CMSS1: variants seen among roughly 807,000 people sequenced by gnomAD.
The protein encoded by CMSS1 is cms1 ribosomal small subunit homolog, also known as protein CMSS1.
In CMSS1, 33 loss-of-function variants were observed where a neutral mutation model predicts 43.5. The observed-to-expected ratio is 0.76, with a 90% CI of 0.57 to 1.01. The LOEUF (loss-of-function observed/expected upper bound fraction) is 1.01, where lower values mean the gene tolerates loss of function less well. Among genes scored for constraint, CMSS1 ranks in the 50% least tolerant of loss-of-function variants. The probability of loss-of-function intolerance (pLI) is 0.00; values close to 1 mark genes in which losing one functional copy is unlikely to be tolerated. For synonymous variants in CMSS1, 115 were observed against 117.2 expected, an observed-to-expected ratio of 0.98 and a Z score of 0.12; for missense variants, 313 against 326.4, an observed-to-expected ratio of 0.96 and a Z score of 0.32.
chr3:99,884,459 T>TATA (rs1393508228), intron 1 of CMSS1, among the ~76,000 whole-genome samples: 3 of 152,210 alleles, frequency 2.0e-5, no homozygotes, highest in African/African-American at 7.2e-5. Flanking sequence ...ATGGAACCTC[T>TATA]ATAAAGAAGT....
At chr3:100,051,301 A>G (rs1168081752) in intron 1 of CMSS1, 1 of 152,032 alleles carries the variant, frequency 6.6e-6, no homozygotes, top group African/African-American at 2.4e-5. Flanking sequence ...GAAGACTGAA[A>G]GAGTAGTAAA....
chr3:99,859,309 G>C (rs1298206031), intron 1 of CMSS1, among the ~76,000 whole-genome samples: 1 of 152,226 alleles, frequency 6.6e-6, no homozygotes, highest in Non-Finnish European at 1.5e-5. Context: ...TTCTTGCACA[G>C]ATCAGTCTGA....
At chr3:99,881,820 A>G (rs1173510856) in intron 1 of CMSS1, among the ~76,000 whole-genome samples, 1 of 152,232 alleles carries the variant, frequency 6.6e-6, no homozygotes, top group East Asian at 1.9e-4. Context: ...GGCGTGAGCC[A>G]CCGTGACTGA....
intron 1 of CMSS1, among the ~76,000 whole-genome samples, chr3:99,919,044 A>AT (rs954640056): frequency 6.6e-6 from 1 of 152,034 alleles, no homozygotes; most frequent in East Asian, 1.9e-4. Flanking sequence ...CTTTCAAAAT[A>AT]TTTTTTTTAA....
At chr3:99,940,662 A>G (rs1396120342) in intron 1 of CMSS1, among the ~76,000 whole-genome samples, 1 of 152,190 alleles carries the variant, frequency 6.6e-6, no homozygotes, top group Non-Finnish European at 1.5e-5. Context: ...GTGAATCCTA[A>G]AAGATAAAAA....
chr3:99,937,775 C>T (rs1707725481), intron 1 of CMSS1, among the ~76,000 whole-genome samples: 1 of 152,146 alleles, frequency 6.6e-6, no homozygotes, highest in Non-Finnish European at 1.5e-5. Context: ...ATTTGCAAAC[C>T]ACTGGCTAGA....
intron 2 of CMSS1, among the ~76,000 whole-genome samples, chr3:100,152,282 C>G (rs2066925230): frequency 6.6e-6 from 1 of 151,864 alleles, no homozygotes; most frequent in Non-Finnish European, 1.5e-5. Context: ...ACAGAATTCT[C>G]CGTGTCCAAA....
chr3:100,015,157 T>G (rs2130370), intron 1 of CMSS1, among the ~76,000 whole-genome samples: 1 of 151,884 alleles, frequency 6.6e-6, no homozygotes, highest in African/African-American at 2.4e-5. Flanking sequence ...GCTGTCCTTT[T>G]CCTATTTTGC....
At chr3:100,172,051 C>CAGAAGCATAGAA in intron 7 of CMSS1, 152 bp downstream of exon 7, 1 of 670,842 alleles carries the variant, frequency 1.5e-6, no homozygotes, top group Non-Finnish European at 2.6e-6. Flanking sequence ...AAATTCTATG[C>CAGAAGCATAGAA]TTCTGCATAC....
At chr3:99,911,230 G>A (rs1706777445) in intron 1 of CMSS1, among the ~76,000 whole-genome samples, 1 of 151,838 alleles carries the variant, frequency 6.6e-6, no homozygotes, top group African/African-American at 2.4e-5. Context: ...TTATCAGGAA[G>A]TTGTACAATA....
At chr3:99,826,965 A>T (rs1173031232) in intron 1 of CMSS1, among the ~76,000 whole-genome samples, 1 of 152,070 alleles carries the variant, frequency 6.6e-6, no homozygotes, top group East Asian at 1.9e-4. Context: ...AGCTTCTTTT[A>T]TTTTCATTTT....
chr3:100,098,600 T>G (rs2066253058), intron 1 of CMSS1, among the ~76,000 whole-genome samples: 1 of 152,204 alleles, frequency 6.6e-6, no homozygotes, highest in African/African-American at 2.4e-5. Context: ...TACCAGTACA[T>G]GCAAGGAAGT....
At chr3:99,997,275 T>A (rs1234843077) in intron 1 of CMSS1, among the ~76,000 whole-genome samples, 3 of 152,156 alleles carry the variant, frequency 2.0e-5, no homozygotes, top group Non-Finnish European at 4.4e-5. Context: ...AAAGGAGGCA[T>A]TTTTTACAAC....
In CMSS1 at chr3:99,828,157, T is replaced by G. The variant is rs558440618; in HGVS notation, c.64+10114T>G. On this transcript the variant is annotated intron_variant, in intron 1 of 9. Transcript: ENST00000421999. ...CTGTTTTATGCTTCTTTTCAACCTGTTTGGTTTTCACTAAGGGATTCCAAT... is the reference window on the plus strand; with the variant it reads ...CTGTTTTATGCTTCTTTTCAACCTGGTTGGTTTTCACTAAGGGATTCCAAT... 2.2e-4 allele frequency among the ~76,000 whole-genome samples: 34 copies of G among 152,330 alleles called. No individual in the cohort carries two copies. The South Asian group carries it at 2.9e-3, about 13-fold the overall frequency.
intron 1 of CMSS1, among the ~76,000 whole-genome samples, chr3:100,087,474 C>T (rs559894405): frequency 6.6e-6 from 1 of 152,224 alleles, no homozygotes; most frequent in East Asian, 1.9e-4. Context: ...TTTGTATTTC[C>T]ACAATGACTA....
At chr3:100,101,890 G>C (rs868727032) in intron 1 of CMSS1, among the ~76,000 whole-genome samples, 5 of 152,128 alleles carry the variant, frequency 3.3e-5, no homozygotes, top group Non-Finnish European at 7.4e-5. Flanking sequence ...TTGTCCTTGC[G>C]ATAGTTTGCT....
intron 1 of CMSS1, among the ~76,000 whole-genome samples, chr3:99,899,459 C>G (rs1318756138): frequency 6.6e-6 from 1 of 152,084 alleles, no homozygotes; most frequent in East Asian, 1.9e-4. Flanking sequence ...ACAAAGTTTT[C>G]CATGAATTAT....
intron 1 of CMSS1, among the ~76,000 whole-genome samples, chr3:100,053,571 C>G (rs4928240): frequency 0.8 from 121,515 of 152,182 alleles, 48,732 homozygotes; most frequent in East Asian, 0.88. Context: ...CGTCAGCAAA[C>G]ACCCTATTTC....
intron 1 of CMSS1, among the ~76,000 whole-genome samples, chr3:100,093,790 A>ATGT (rs2066155267): frequency 6.6e-6 from 1 of 152,258 alleles, no homozygotes; most frequent in Non-Finnish European, 1.5e-5. Flanking sequence ...ATATAAATAG[A>ATGT]ATCATACAAC....
Sources: allele counts gnomAD v4.1 joint callset (sites outside exome capture counted in the v4.1 genomes callset), GRCh38; gene constraint gnomAD v4.1.1; transcripts MANE v1.5; gene names NCBI Gene and HGNC (gene_info 2026-07-23, HGNC 2026-07-21).